Variants in SPATA45 observed in about 807,000 individuals in gnomAD.
SPATA45 encodes spermatogenesis-associated protein 45.
A neutral mutation model predicts 7.0 loss-of-function variants in SPATA45; 5 were observed. That is an observed-to-expected ratio of 0.71 (90% CI 0.37 to 1.50). The LOEUF (loss-of-function observed/expected upper bound fraction) is 1.50, where lower values mean the gene tolerates loss of function less well. SPATA45 is among the 40% of genes most tolerant of loss of function. The pLI, the probability that SPATA45 is intolerant of heterozygous loss-of-function variation, is 0.03. For synonymous variants in SPATA45, 40 were observed against 38.7 expected (o/e 1.03, Z -0.13); for missense variants, 111 against 114.9 (o/e 0.97, Z 0.16).
intron 1 of SPATA45, among the ~76,000 whole-genome samples, chr1:212,843,561 G>A (rs1663732824): frequency 6.6e-6 from 1 of 152,120 alleles, no homozygotes; most frequent in African/African-American, 2.4e-5. Flanking sequence ...AGGGTCCAGC[G>A]AAAATAAAAA....
At chr1:212,838,421 C>G (rs968015306) in intron 1 of SPATA45, among the ~76,000 whole-genome samples, 1 of 151,516 alleles carries the variant, frequency 6.6e-6, no homozygotes, top group Non-Finnish European at 1.5e-5. Flanking sequence ...ACTGACCAAA[C>G]CATGTGTTAG....
At chr1:212,833,824 T>G (rs751758461) in intron 2 of SPATA45, among the ~76,000 whole-genome samples, 8 of 151,870 alleles carry the variant, frequency 5.3e-5, no homozygotes, top group Non-Finnish European at 1.2e-4. Context: ...TTAAATTTCC[T>G]TCAAGGGTTT....
At chr1:212,833,827 A>T (rs1663532250) in intron 2 of SPATA45, among the ~76,000 whole-genome samples, 1 of 151,824 alleles carries the variant, frequency 6.6e-6, no homozygotes, top group African/African-American at 2.4e-5. Flanking sequence ...AATTTCCTTC[A>T]AGGGTTTTTC....
intron 1 of SPATA45, among the ~76,000 whole-genome samples, chr1:212,838,850 GCCAC>G (rs1306435139): frequency 6.6e-6 from 1 of 151,246 alleles, no homozygotes; most frequent in African/African-American, 2.4e-5. Context: ...ACAGGCGCAG[GCCAC>G]CACACCTGGC....
intron 1 of SPATA45, among the ~76,000 whole-genome samples, chr1:212,845,160 G>C (rs1419564460): frequency 6.6e-6 from 1 of 151,952 alleles, no homozygotes. Context: ...CTACTAGCCC[G>C]TCTCTTAGAA....
rs1663476836 is a variant in SPATA45 at position 212,831,031 on chromosome 1, C to G, written c.278-770G>C. Among the ~76,000 whole-genome samples the G allele has an allele frequency of 4.0e-5, 6 of 151,194 alleles. No homozygotes were observed. In the South Asian group the frequency reaches 1.3e-3, roughly 32 times the overall value. ...GTGCACACCTGTAATCCCAGCTACTCTGGAGGCTGAGGCAGGAGAATCGCT... is the reference window on the plus strand; with the variant it reads ...GTGCACACCTGTAATCCCAGCTACTGTGGAGGCTGAGGCAGGAGAATCGCT... On this transcript the variant is annotated intron_variant, in intron 2 of 2. Transcript: ENST00000332912.
intron 2 of SPATA45, among the ~76,000 whole-genome samples, chr1:212,834,713 A>C (rs1465833643): frequency 6.6e-6 from 1 of 151,668 alleles, no homozygotes; most frequent in African/African-American, 2.4e-5. Context: ...GGCCACCCAA[A>C]GTGCTGGGAC....
intron 1 of SPATA45, among the ~76,000 whole-genome samples, chr1:212,840,953 CT>C (rs58282199): frequency 6.6e-6 from 1 of 151,696 alleles, no homozygotes; most frequent in African/African-American, 2.4e-5. Context: ...TCTCTCTCTT[CT>C]TTTTTGAGGC....
intron 1 of SPATA45, among the ~76,000 whole-genome samples, chr1:212,840,415 C>G (rs2102512229): frequency 6.6e-6 from 1 of 152,288 alleles, no homozygotes; most frequent in Non-Finnish European, 1.5e-5. Context: ...GTCTCAAAAA[C>G]AAACACACAA....
Position 212,832,300 on chromosome 1 carries a change from G to A in SPATA45, c.278-2039C>T, listed in dbSNP as rs553138912. Among the ~76,000 whole-genome samples the A allele has an allele frequency of 2.7e-5, 4 of 149,024 alleles. No individual in the cohort carries two copies. In the Admixed American group the frequency reaches 2.7e-4, roughly 10 times the overall value. On this transcript the variant is annotated intron_variant, in intron 2 of 2. Transcript: ENST00000332912. ...ATTACAGGCGTGAGCCACTGTGCCC[G>A]GCTGAAATGTACTATTTTTTAACTT...
At chr1:212,833,411 C>T (rs1663523976) in intron 2 of SPATA45, among the ~76,000 whole-genome samples, 2 of 150,386 alleles carry the variant, frequency 1.3e-5, no homozygotes, top group Admixed American at 1.3e-4. Context: ...ATAATCCCAG[C>T]ACTTTGGGAG....
intron 1 of SPATA45, among the ~76,000 whole-genome samples, chr1:212,846,185 A>G (rs1663790294): frequency 6.6e-6 from 1 of 152,076 alleles, no homozygotes. Context: ...CAAGCCCATA[A>G]TATCACCCCT....
At chr1:212,842,940 A>G (rs1489405659) in intron 1 of SPATA45, among the ~76,000 whole-genome samples, 1 of 151,584 alleles carries the variant, frequency 6.6e-6, no homozygotes, top group African/African-American at 2.4e-5. Flanking sequence ...TACAAAAAAA[A>G]AAAAAAATTA....
At chr1:212,834,496 G>C (rs1301689100) in intron 2 of SPATA45, among the ~76,000 whole-genome samples, 1 of 150,780 alleles carries the variant, frequency 6.6e-6, no homozygotes, top group South Asian at 2.1e-4. Context: ...TGTCGCCCAG[G>C]CTGGAGTACA....
At position 212,847,579 on chromosome 1, in the gene SPATA45, C is replaced by T. The variant is rs1044685309; in HGVS notation, c.-39+1G>A. On this transcript the variant is annotated splice_donor_variant, in intron 1 of 2. Coordinates refer to ENST00000332912, the MANE Select transcript of SPATA45 (RefSeq NM_001024601.3). LOFTEE classifies it low-confidence loss of function (5UTR_SPLICE). Reference sequence around the variant, plus strand: ...TCTACAGGTATATTATTATAAATTACCTTTAGCATACTACCATACAGCAAC... The same window carrying T: ...TCTACAGGTATATTATTATAAATTATCTTTAGCATACTACCATACAGCAAC... 1 of 152,012 alleles carries T rather than the reference C, an allele frequency of 6.6e-6. No homozygotes were observed. The highest frequency in any genetic ancestry group is 1.5e-5 in the Non-Finnish European group (1 of 68,014). 9.4% of individuals were successfully genotyped at this position (152,012 alleles called of 1,614,324 possible).
At chr1:212,841,631 CTTTTTTT>C (rs5780702) in intron 1 of SPATA45, among the ~76,000 whole-genome samples, 2 of 125,224 alleles carry the variant, frequency 1.6e-5, no homozygotes, top group African/African-American at 3.0e-5. Flanking sequence ...AGGTATCTTT[CTTTTTTT>C]TTTTTTTTTT....
intron 2 of SPATA45, among the ~76,000 whole-genome samples, chr1:212,832,042 G>C (rs1480606141): frequency 1.3e-4 from 14 of 106,746 alleles, no homozygotes; most frequent in Non-Finnish European, 2.2e-4. Flanking sequence ...TTTTGAGACG[G>C]AGTTTCGCTC....
At chr1:212,834,326 C>T (rs1408411203) in intron 2 of SPATA45, among the ~76,000 whole-genome samples, 1 of 151,578 alleles carries the variant, frequency 6.6e-6, no homozygotes, top group Non-Finnish European at 1.5e-5. Context: ...GCTATCTCAG[C>T]TGCCTGCCTA....
At chr1:212,834,509 G>A (rs896052033) in intron 2 of SPATA45, among the ~76,000 whole-genome samples, 5 of 150,428 alleles carry the variant, frequency 3.3e-5, no homozygotes, top group Admixed American at 1.3e-4. Context: ...GGAGTACACC[G>A]GAGTGATCTC....
Sources: gnomAD v4.1 joint callset for allele counts (sites outside exome capture counted in the v4.1 genomes callset) on GRCh38, gnomAD v4.1.1 for gene constraint, MANE v1.5 for transcripts, NCBI Gene and HGNC (gene_info 2026-07-23, HGNC 2026-07-21) for gene names.